The following SHANK2 variants were observed in gnomAD, a reference collection of about 807,000 sequenced individuals.
The protein encoded by SHANK2 is SH3 and multiple ankyrin repeat domains protein 2.
A neutral mutation model predicts 133.7 loss-of-function variants in SHANK2; 43 were observed. That is an observed-to-expected ratio of 0.32 (90% confidence interval 0.25 to 0.41). SHANK2 has a LOEUF of 0.41. Ranked by LOEUF, SHANK2 falls within the 10% of genes least tolerant of loss-of-function variation. The pLI, the probability that SHANK2 is intolerant of heterozygous loss-of-function variation, is 1.00. For synonymous variants in SHANK2, 1,017 were observed against 952.8 expected (o/e 1.07, Z -1.24); for missense variants, 1,994 against 2,235.8 (o/e 0.89, Z 2.18).
chr11:71,245,835 G>A (rs1017931590), intron 1 of SHANK2, among the ~76,000 whole-genome samples: 2 of 152,230 alleles, frequency 1.3e-5, no homozygotes, highest in African/African-American at 2.4e-5. Flanking sequence ...GGAGCAAGGC[G>A]TGGTCCCTTT....
At position 70,588,716 on chromosome 11, in the gene SHANK2, T is replaced by C. The variant is rs536118172; in HGVS notation, c.2061+71112A>G. On this transcript the variant is annotated intron_variant, in intron 17 of 25. Coordinates refer to ENST00000601538, the MANE Select transcript of SHANK2 (RefSeq NM_012309.5). ...TGTAACGTAAACACGCAAGGCAAAG[T>C]AGCAAGTCTTGATGGAGAAGCTGCA... is the stretch of plus-strand genomic sequence containing the variant. Among the ~76,000 whole-genome samples the C allele has an allele frequency of 9.9e-4, 151 of 152,346 alleles. 1 individual carries two copies. The highest frequency in any genetic ancestry group is 3.6e-3 in the African/African-American group (150 of 41,586).
At chr11:71,101,491 T>C (rs1165231490) in intron 6 of SHANK2, among the ~76,000 whole-genome samples, 1 of 152,238 alleles carries the variant, frequency 6.6e-6, no homozygotes, top group Non-Finnish European at 1.5e-5. Flanking sequence ...AGGGAGTTAT[T>C]TACTCGAAGT....
chr11:70,532,845 A>G (rs2059492482), intron 17 of SHANK2, among the ~76,000 whole-genome samples: 1 of 152,142 alleles, frequency 6.6e-6, no homozygotes, highest in Non-Finnish European at 1.5e-5. Context: ...TAGCCAAAAG[A>G]TGGACGCAAC....
At chr11:70,716,272 T>C (rs1227738688) in intron 14 of SHANK2, among the ~76,000 whole-genome samples, 21 of 152,006 alleles carry the variant, frequency 1.4e-4, no homozygotes, top group Admixed American at 5.2e-4. Flanking sequence ...CAGGCTTTGT[T>C]ACCCCCAAGA....
At chr11:70,769,576 C>G (rs569399189) in intron 14 of SHANK2, among the ~76,000 whole-genome samples, 13 of 152,278 alleles carry the variant, frequency 8.5e-5, no homozygotes, top group Admixed American at 3.9e-4. Context: ...GGGGGGCTCT[C>G]TGAGCCTTCT....
chr11:70,678,472 T>G (rs1440737488), intron 15 of SHANK2, among the ~76,000 whole-genome samples: 1 of 149,398 alleles, frequency 6.7e-6, no homozygotes, highest in Admixed American at 6.7e-5. Context: ...TTATCTGTCC[T>G]GCCTCTCCCT....
At chr11:70,822,666 T>C (rs374300371) in intron 11 of SHANK2, among the ~76,000 whole-genome samples, 85 of 47,486 alleles carry the variant, frequency 1.8e-3, no homozygotes, top group East Asian at 6.1e-3. Flanking sequence ...AGAGGTGGCG[T>C]TGGCAGAGCC....
intron 11 of SHANK2, among the ~76,000 whole-genome samples, chr11:70,845,621 T>C (rs1356159105): frequency 1.3e-5 from 2 of 152,008 alleles, no homozygotes; most frequent in African/African-American, 4.8e-5. Flanking sequence ...GAGGCAGGAA[T>C]GGCAGACAAC....
intron 17 of SHANK2, among the ~76,000 whole-genome samples, chr11:70,546,956 T>C (rs1339179147): frequency 7.9e-5 from 12 of 152,250 alleles, no homozygotes; most frequent in Non-Finnish European, 1.8e-4. Flanking sequence ...AATCCAACTT[T>C]AGCAAGAACT....
intron 11 of SHANK2, among the ~76,000 whole-genome samples, chr11:70,865,938 G>A (rs533726360): frequency 5.9e-5 from 9 of 152,200 alleles, no homozygotes; most frequent in East Asian, 1.9e-4. Context: ...TTCTTGGGTC[G>A]TGGCCCCTCC....
At chr11:70,879,466 G>C (rs1464961335) in intron 11 of SHANK2, among the ~76,000 whole-genome samples, 1 of 152,208 alleles carries the variant, frequency 6.6e-6, no homozygotes, top group African/African-American at 2.4e-5. Context: ...GTGAGGGAGA[G>C]AGGTTGTTAT....
intron 11 of SHANK2, among the ~76,000 whole-genome samples, chr11:70,848,043 G>A (rs1555064148): frequency 6.6e-6 from 1 of 152,222 alleles, no homozygotes; most frequent in Non-Finnish European, 1.5e-5. Context: ...GGTAGGAAGG[G>A]CGGCCCCACA....
intron 9 of SHANK2, among the ~76,000 whole-genome samples, chr11:71,074,773 ATTTTTTT>A (rs36140840): frequency 1.1e-5 from 1 of 92,524 alleles, no homozygotes; most frequent in African/African-American, 3.9e-5. Context: ...ACCTAAGCCA[ATTTTTTT>A]TTTTTTTTTT....
intron 14 of SHANK2, among the ~76,000 whole-genome samples, chr11:70,755,080 T>A (rs918657360): frequency 6.6e-6 from 1 of 152,232 alleles, no homozygotes; most frequent in Non-Finnish European, 1.5e-5. Flanking sequence ...AATCTTTTTT[T>A]TTTTTTTCTG....
At chr11:71,088,098 G>C (rs1487585152) in intron 8 of SHANK2, among the ~76,000 whole-genome samples, 3 of 152,230 alleles carry the variant, frequency 2.0e-5, no homozygotes, top group East Asian at 3.9e-4. Context: ...CATAATGTGG[G>C]TGGGCCCCAT....
intron 17 of SHANK2, among the ~76,000 whole-genome samples, chr11:70,567,752 C>T (rs2059986151): frequency 6.6e-6 from 1 of 152,184 alleles, no homozygotes; most frequent in Non-Finnish European, 1.5e-5. Flanking sequence ...GACCCTGAGA[C>T]ACCTTGATCT....
intron 1 of SHANK2, among the ~76,000 whole-genome samples, chr11:71,236,303 T>C (rs10897838): frequency 0.37 from 56,161 of 152,056 alleles, 11,236 homozygotes; most frequent in East Asian, 0.8. Flanking sequence ...CTGTGACCAG[T>C]AAAAGCATCA....
chr11:70,836,795 G>A (rs1048583738), intron 11 of SHANK2, among the ~76,000 whole-genome samples: 6 of 152,254 alleles, frequency 3.9e-5, no homozygotes, highest in African/African-American at 1.4e-4. Flanking sequence ...CAGTCACCAA[G>A]TCCTGTGGCC....
intron 14 of SHANK2, among the ~76,000 whole-genome samples, chr11:70,720,744 AACAT>A (rs782362649): frequency 4.0e-5 from 6 of 151,410 alleles, no homozygotes; most frequent in African/African-American, 7.3e-5. Context: ...CACGCATGTG[AACAT>A]ACACACACAC....
Sources: allele counts gnomAD v4.1 joint callset (sites outside exome capture counted in the v4.1 genomes callset), GRCh38; gene constraint gnomAD v4.1.1; transcripts MANE v1.5; gene names NCBI Gene and HGNC (gene_info 2026-07-23, HGNC 2026-07-21).